The following CNDP1 variants were observed in gnomAD, a reference collection of about 807,000 sequenced individuals.
CNDP1 encodes carnosine dipeptidase 1.
CNDP1 carries 44 observed loss-of-function variants against 58.1 expected under a neutral mutation model. The ratio of observed to expected loss-of-function variants is 0.76; its 90% CI spans 0.60 to 0.97. The LOEUF is 0.97. Among genes scored for constraint, CNDP1 ranks in the 50% least tolerant of loss-of-function variants. The pLI is 0.00. For synonymous variants in CNDP1, 254 were observed against 252.6 expected, an observed-to-expected ratio of 1.01 and a Z score of -0.05; for missense variants, 616 against 655.1, an observed-to-expected ratio of 0.94 and a Z score of 0.65.
intron 1 of CNDP1, among the ~76,000 whole-genome samples, chr18:74,542,255 G>C (rs1028164241): frequency 8.5e-5 from 13 of 152,194 alleles, no homozygotes; most frequent in African/African-American, 3.1e-4. Flanking sequence ...CTGGTGTCAA[G>C]GCCTAATTTA....
At chr18:74,578,093 G>A (rs978773308) in intron 8 of CNDP1, 70 bp from the exon 9 acceptor site, 10 of 1,397,110 alleles carry the variant, frequency 7.2e-6, no homozygotes, top group Non-Finnish European at 9.9e-6. Context: ...GGCAGAGGGT[G>A]GTAACACAAG....
At chr18:74,553,656 A>T (rs900631183) in intron 1 of CNDP1, among the ~76,000 whole-genome samples, 1 of 152,196 alleles carries the variant, frequency 6.6e-6, no homozygotes, top group Non-Finnish European at 1.5e-5. Context: ...CAGAATATTT[A>T]TAACTATTCT....
chr18:74,560,305 T>C (rs1006910235), intron 3 of CNDP1, among the ~76,000 whole-genome samples: 7 of 152,324 alleles, frequency 4.6e-5, no homozygotes, highest in Non-Finnish European at 7.4e-5. Context: ...TGAGCCACCG[T>C]GCCCGGCCCG....
chr18:74,551,000 A>G (rs1016506172), intron 1 of CNDP1, among the ~76,000 whole-genome samples: 3 of 152,124 alleles, frequency 2.0e-5, no homozygotes, highest in Non-Finnish European at 2.9e-5. Context: ...CTCATGTCGA[A>G]ATGTAATCCT....
chr18:74,545,222 G>C lies in CNDP1; in HGVS notation c.24+10531G>C, dbSNP rs950804676. ...TAGTGGAGACCGATGGGAAAGCCCC[G>C]CCCTCTCCTCGAATCTGCCTTGTTC... On this transcript the variant is annotated intron_variant, in intron 1 of 11. Transcript: ENST00000358821. The surrounding 1 kb of genome is among the most constrained non-coding windows in gnomAD (Gnocchi z 4.1). Among the ~76,000 whole-genome samples, 3 of 152,292 alleles carry C rather than the reference G, an allele frequency of 2.0e-5. No individual in the cohort carries two copies. The highest frequency in any genetic ancestry group is 4.1e-4 in the South Asian group (2 of 4,832).
rs79205121 is a variant in CNDP1, at chr18:74,570,842, G to A, written c.757-344G>A. Among the ~76,000 whole-genome samples, 1,099 of 152,288 alleles carry A rather than the reference G, an allele frequency of 7.2e-3. 14 individuals carry two copies. The highest frequency in any genetic ancestry group is 0.025 in the African/African-American group (1,033 of 41,540). On this transcript the variant is annotated intron_variant, in intron 6 of 11. Transcript: ENST00000358821. ...AGGGAAGAGAATTTTTCCAGAAAGA[G>A]GAGTGATCAACAATATGGGATGAAA... is the stretch of plus-strand genomic sequence containing the variant.
intron 1 of CNDP1, among the ~76,000 whole-genome samples, chr18:74,548,576 A>C (rs1333047982): frequency 6.6e-6 from 1 of 152,218 alleles, no homozygotes; most frequent in Non-Finnish European, 1.5e-5. Flanking sequence ...CCTAACACAG[A>C]AAAGTGGTAC....
intron 7 of CNDP1, 57 bp downstream of exon 7, chr18:74,571,327 C>G: frequency 8.2e-7 from 1 of 1,219,628 alleles, no homozygotes; most frequent in Non-Finnish European, 1.2e-6. Flanking sequence ...AAAGACAGCT[C>G]TACTTGATTT....
chr18:74,552,856 C>T (rs1386487254), intron 1 of CNDP1, among the ~76,000 whole-genome samples: 3 of 152,164 alleles, frequency 2.0e-5, no homozygotes, highest in East Asian at 1.9e-4. Flanking sequence ...AGGAACTTTC[C>T]GACTGTTTTC....
chr18:74,536,105 G>A (rs1206659789), intron 1 of CNDP1, among the ~76,000 whole-genome samples: 1 of 152,202 alleles, frequency 6.6e-6, no homozygotes, highest in Non-Finnish European at 1.5e-5. Flanking sequence ...GGAAGAGATT[G>A]TACTATATAT....
Position 74,584,498 on chromosome 18 carries a change from G to A in CNDP1, c.1460G>A (p.Trp487Ter), listed in dbSNP as rs1477278592. 1 of 1,610,130 alleles carries A rather than the reference G, an allele frequency of 6.2e-7. No homozygotes were observed. The highest frequency in any genetic ancestry group is 1.3e-5 in the African/African-American group (1 of 74,804). Reference sequence around the variant, plus strand: ...CTCTTTGTTTTTCCTCTTCTTAGGTGGAACTACATAGAGGGAACCAAATTA... The same window carrying A: ...CTCTTTGTTTTTCCTCTTCTTAGGTAGAACTACATAGAGGGAACCAAATTA... ...EHSQNEKINR[W>*]NYIEGTKLFA... Residue 487 changes from tryptophan (W) to a stop codon, truncating the protein, a stop_gained and splice_region_variant, in exon 12 of 12, where the codon TGG becomes TAG. Transcript: ENST00000358821. LOFTEE classifies it high-confidence loss of function.
rs1429163537 is a variant in CNDP1, at chr18:74,580,067, A to G, written c.1168-63A>G. 5.1e-5 allele frequency: 74 copies of G among 1,439,160 alleles called. No individual in the cohort carries two copies. In the East Asian group the frequency reaches 1.7e-3, roughly 33 times the overall value. The allele number at this position is 1,439,160 out of a possible 1,614,324, so 89.1% of individuals were successfully genotyped here. A position where few individuals can be genotyped will look rare whatever the true frequency, so the allele number is the denominator to read the frequency against. Reference sequence around the variant, plus strand: ...CTAATCAGTTTCTTGATGGAAGACTATATTAACTGTATGAGAGAATAACTT... The same window carrying G: ...CTAATCAGTTTCTTGATGGAAGACTGTATTAACTGTATGAGAGAATAACTT... On this transcript the variant is annotated intron_variant, in intron 9 of 11. Transcript: ENST00000358821.
At position 74,560,010 on chromosome 18, in the gene CNDP1, C is replaced by CTT. The variant is rs398033526; in HGVS notation, c.303+554_303+555dup. On this transcript the variant is annotated intron_variant, in intron 3 of 11. Coordinates refer to ENST00000358821, the MANE Select transcript of CNDP1 (RefSeq NM_032649.6). The stretch of plus-strand genomic sequence containing the variant: ...ATTTAAGCCAGTTGTCATCTGCATT[C>CTT]TTTTTTTTTTTTTTTTTGAGACAGA... 1.7e-3 allele frequency among the ~76,000 whole-genome samples: 201 copies of CTT among 121,298 alleles called. 12 individuals carry two copies. The highest frequency in any genetic ancestry group is 7.4e-3 in the East Asian group (29 of 3,898). 79.6% of individuals were successfully genotyped at this position (121,298 alleles called of 152,430 possible).
intron 3 of CNDP1, among the ~76,000 whole-genome samples, chr18:74,560,646 T>G (rs1981165499): frequency 6.6e-6 from 1 of 151,768 alleles, no homozygotes; most frequent in African/African-American, 2.4e-5. Context: ...AGTGTGCCAC[T>G]GCGCTCCAGC....
At chr18:74,542,294 T>G (rs9949100) in intron 1 of CNDP1, among the ~76,000 whole-genome samples, 1 of 152,054 alleles carries the variant, frequency 6.6e-6, no homozygotes, top group African/African-American at 2.4e-5. Flanking sequence ...TTCCTGGAGG[T>G]TGAGGTTATC....
chr18:74,568,878 A>G (rs554483264), intron 6 of CNDP1, among the ~76,000 whole-genome samples: 1 of 152,234 alleles, frequency 6.6e-6, no homozygotes, highest in South Asian at 2.1e-4. Context: ...CCAGGGACAG[A>G]GAAGGCTGGC....
At chr18:74,550,362 T>C (rs1470236909) in intron 1 of CNDP1, among the ~76,000 whole-genome samples, 1 of 152,234 alleles carries the variant, frequency 6.6e-6, no homozygotes, top group South Asian at 2.1e-4. Context: ...GCATGGGGAC[T>C]GGAGCCCCTT....
intron 7 of CNDP1, among the ~76,000 whole-genome samples, chr18:74,572,069 A>T (rs1241851187): frequency 3.9e-5 from 6 of 152,174 alleles, no homozygotes; most frequent in Admixed American, 3.3e-4. Context: ...GACTCCAGAA[A>T]TGGTGTCAAA....
rs1276180382 is a variant in CNDP1, at chr18:74,579,216, TTCCCTTC to T, written c.1167+890_1167+896del. Among the ~76,000 whole-genome samples, 5 of 143,370 alleles carry T rather than the reference TTCCCTTC, an allele frequency of 3.5e-5. No homozygotes were observed. The East Asian group carries it at 1.1e-3, about 31-fold the overall frequency. 94.1% of individuals were successfully genotyped at this position (143,370 alleles called of 152,430 possible). A position where few individuals can be genotyped will look rare whatever the true frequency, so the allele number is the denominator to read the frequency against. On this transcript the variant is annotated intron_variant, in intron 9 of 11. Coordinates refer to ENST00000358821, the MANE Select transcript of CNDP1 (RefSeq NM_032649.6). ...TTCCCTTCCCTTGCCTTCCCTTCCC[TTCCCTTC>T]CCTTCCCTCACCTCCCCTCTCCTTT...
Sources: gnomAD v4.1 joint callset for allele counts (sites outside exome capture counted in the v4.1 genomes callset) on GRCh38, gnomAD v4.1.1 for gene constraint, Gnocchi (gnomAD v3.1) non-coding constraint, MANE v1.5 for transcripts, NCBI Gene and HGNC (gene_info 2026-07-23, HGNC 2026-07-21) for gene names.